Variants in CSMD3 observed in about 807,000 individuals in gnomAD.
CSMD3 encodes CUB and Sushi multiple domains 3.
CSMD3 carries 177 observed loss-of-function variants against 435.2 expected under a neutral mutation model. The ratio of observed to expected loss-of-function variants is 0.41; its 90% CI spans 0.36 to 0.46. The LOEUF (loss-of-function observed/expected upper bound fraction) is 0.46, where lower values mean the gene tolerates loss of function less well. Among genes scored for constraint, CSMD3 ranks in the 20% least tolerant of loss-of-function variants. The pLI is 0.34. For synonymous variants in CSMD3, 1,656 were observed against 1,520.5 expected (o/e 1.09, Z -2.07); for missense variants, 4,265 against 4,504.6 (o/e 0.95, Z 1.52).
intron 2 of CSMD3, among the ~76,000 whole-genome samples, chr8:113,290,132 A>G (rs1340827767): frequency 6.6e-6 from 1 of 151,674 alleles, no homozygotes; most frequent in Non-Finnish European, 1.5e-5. Context: ...AATTTCTTTA[A>G]TCTGAAATAA....
intron 53 of CSMD3, among the ~76,000 whole-genome samples, chr8:112,300,406 AT>A (rs1820806760): frequency 6.6e-6 from 1 of 151,642 alleles, no homozygotes; most frequent in African/African-American, 2.4e-5. Flanking sequence ...AACTATTAAG[AT>A]TTTTTATTTT....
intron 10 of CSMD3, among the ~76,000 whole-genome samples, chr8:112,892,095 T>C (rs1206589486): frequency 6.6e-6 from 1 of 151,632 alleles, no homozygotes. Flanking sequence ...TAGAAATCCA[T>C]GTATTTGTTT....
At chr8:112,618,291 G>C (rs1833806190) in intron 22 of CSMD3, among the ~76,000 whole-genome samples, 1 of 151,894 alleles carries the variant, frequency 6.6e-6, no homozygotes, top group African/African-American at 2.4e-5. Flanking sequence ...CTCAAATTGA[G>C]AAATAATAAT....
At chr8:112,877,528 A>T (rs1190027078) in intron 10 of CSMD3, among the ~76,000 whole-genome samples, 1 of 152,106 alleles carries the variant, frequency 6.6e-6, no homozygotes, top group Non-Finnish European at 1.5e-5. Context: ...TCAGCCTCCC[A>T]AAGTGCTGGG....
chr8:112,652,088 G>T (rs1430261222), intron 18 of CSMD3, among the ~76,000 whole-genome samples: 1 of 151,920 alleles, frequency 6.6e-6, no homozygotes, highest in African/African-American at 2.4e-5. Context: ...TTTTTTCATT[G>T]CTTTAATACC....
intron 6 of CSMD3, among the ~76,000 whole-genome samples, chr8:112,986,577 C>T (rs2085262101): frequency 6.6e-6 from 1 of 152,138 alleles, no homozygotes; most frequent in Middle Eastern, 3.4e-3. Flanking sequence ...TTAAAACCAT[C>T]GAATGCTCTA....
chr8:112,856,268 T>C (rs1051898116), intron 11 of CSMD3, among the ~76,000 whole-genome samples: 14 of 151,954 alleles, frequency 9.2e-5, no homozygotes, highest in African/African-American at 3.4e-4. Context: ...ATTATAATGC[T>C]CAGTTATTAC....
chr8:113,141,942 T>C (rs1289159628), intron 4 of CSMD3, among the ~76,000 whole-genome samples: 1 of 151,060 alleles, frequency 6.6e-6, no homozygotes, highest in Non-Finnish European at 1.5e-5. Flanking sequence ...ATATAAAATA[T>C]AAATAAAGAA....
intron 22 of CSMD3, among the ~76,000 whole-genome samples, chr8:112,600,421 A>G (rs988703951): frequency 2.6e-5 from 4 of 152,188 alleles, no homozygotes; most frequent in African/African-American, 9.7e-5. Flanking sequence ...TAGAGAGTAG[A>G]CCTTTGACTA....
chr8:112,926,875 A>C (rs758929653), intron 9 of CSMD3, among the ~76,000 whole-genome samples: 15 of 152,224 alleles, frequency 9.9e-5, no homozygotes, highest in Middle Eastern at 6.8e-3. Flanking sequence ...TTTTTGGTCT[A>C]TTTAAAAAGG....
intron 13 of CSMD3, among the ~76,000 whole-genome samples, chr8:112,750,111 A>G (rs9785080): frequency 0.33 from 50,444 of 151,810 alleles, 9,241 homozygotes; most frequent in African/African-American, 0.5. Context: ...TGTGGTCCCT[A>G]TTACAAAAAT....
At chr8:113,110,826 C>G (rs143214176) in intron 4 of CSMD3, among the ~76,000 whole-genome samples, 7 of 152,150 alleles carry the variant, frequency 4.6e-5, no homozygotes, top group African/African-American at 1.4e-4. Context: ...TTAGTCTATT[C>G]AAGCTATTAT....
intron 5 of CSMD3, among the ~76,000 whole-genome samples, chr8:113,052,822 T>C (rs2088155992): frequency 6.6e-6 from 1 of 152,186 alleles, no homozygotes; most frequent in South Asian, 2.1e-4. Flanking sequence ...TGTTACTGCA[T>C]AACTAAGAGA....
At chr8:113,193,889 A>T (rs1166251792) in intron 3 of CSMD3, among the ~76,000 whole-genome samples, 13 of 151,432 alleles carry the variant, frequency 8.6e-5, no homozygotes, top group African/African-American at 3.1e-4. Flanking sequence ...ATTTTAGAAG[A>T]TTTGGAGTTA....
chr8:113,320,009 G>A (rs1423133807), intron 1 of CSMD3, among the ~76,000 whole-genome samples: 1 of 151,924 alleles, frequency 6.6e-6, no homozygotes, highest in Non-Finnish European at 1.5e-5. Context: ...AAAGAACATT[G>A]TCCAAGCTCA....
At chr8:113,362,996 C>G (rs907577095) in intron 1 of CSMD3, among the ~76,000 whole-genome samples, 2 of 152,116 alleles carry the variant, frequency 1.3e-5, no homozygotes, top group African/African-American at 4.8e-5. Flanking sequence ...CTCAGCCCAG[C>G]CAGAATACTG....
At chr8:112,295,483 A>G (rs1016326838) in intron 54 of CSMD3, among the ~76,000 whole-genome samples, 1 of 152,060 alleles carries the variant, frequency 6.6e-6, no homozygotes, top group Non-Finnish European at 1.5e-5. Flanking sequence ...ATAGTAACAA[A>G]CCTTGATACA....
chr8:113,312,282 T>C (rs1268833913), intron 2 of CSMD3: 1 of 152,234 alleles, frequency 6.6e-6, no homozygotes, highest in Non-Finnish European at 1.5e-5. Context: ...TTATTTTACA[T>C]TGTTTGGATA....
chr8:112,594,111 T>A (rs1407797773), intron 22 of CSMD3, among the ~76,000 whole-genome samples: 2 of 152,016 alleles, frequency 1.3e-5, no homozygotes, highest in Admixed American at 1.3e-4. Flanking sequence ...AGGTACCGGG[T>A]TCATCTCACT....
Sources: allele counts gnomAD v4.1 joint callset (sites outside exome capture counted in the v4.1 genomes callset), GRCh38; gene constraint gnomAD v4.1.1; transcripts MANE v1.5; gene names NCBI Gene and HGNC (gene_info 2026-07-23, HGNC 2026-07-21).